ATP7A: variants seen among roughly 807,000 people sequenced by gnomAD.
ATP7A encodes the protein ATPase copper transporting alpha, also known as copper-transporting ATPase 1.
ATP7A carries 7 observed loss-of-function variants against 83.5 expected under a neutral mutation model. The ratio of observed to expected loss-of-function variants is 0.08; its 90% CI spans 0.05 to 0.16. The LOEUF is 0.16. ATP7A is among the 10% of genes least tolerant of loss of function. ATP7A has a pLI of 1.00. For missense variants in ATP7A, 940 were observed against 1,120.8 expected (o/e 0.84, Z 2.30); for synonymous variants, 354 against 395.2 (o/e 0.90, Z 1.24).
intron 6 of ATP7A, among the ~76,000 whole-genome samples, chrX:78,005,683 C>CAAAAAAAAAAAAAAAAAAAAA (rs1218646073): frequency 2.2e-4 from 3 of 13,696 alleles, no homozygotes; most frequent in African/African-American, 3.0e-4. Context: ...AACTCCATCT[C>CAAAAAAAAAAAAAAAAAAAAA]AAAAAAAAAA....
At chrX:78,019,172 T>A (rs1368736406) in intron 12 of ATP7A, among the ~76,000 whole-genome samples, 2 of 112,076 alleles carry the variant, frequency 1.8e-5, no homozygotes, top group Non-Finnish European at 3.8e-5. Context: ...TCCTGTAGAC[T>A]TGATGGACTT....
chrX:77,981,880 A>G (rs1353638439), intron 2 of ATP7A, among the ~76,000 whole-genome samples: 1 of 111,684 alleles, frequency 9.0e-6, no homozygotes, highest in Non-Finnish European at 1.9e-5. Flanking sequence ...TTATAATCTG[A>G]TATAATAGTT....
At position 77,989,237 on chromosome X, in the gene ATP7A, C is replaced by T; in HGVS notation, c.615C>T (p.Ser205=). 1 of 1,204,805 alleles carries T rather than the reference C, an allele frequency of 8.3e-7. No individual in the cohort carries two copies. The highest frequency in any genetic ancestry group is 1.1e-6 in the Non-Finnish European group (1 of 890,354). ...KLQGVQRIKV[S]LDNQEATIVY... ...ATATTTCTTTTTATTAACTAGTCTCCCTGGACAATCAAGAAGCTACTATTG... is the reference window on the plus strand; with the variant it reads ...ATATTTCTTTTTATTAACTAGTCTCTCTGGACAATCAAGAAGCTACTATTG... Residue 205 remains serine, a synonymous_variant, in exon 4 of 23, where the codon TCC becomes TCT. Transcript: ENST00000341514.
chrX:77,965,343 T>G (rs2077498175), intron 1 of ATP7A: 4 of 309,737 alleles, frequency 1.3e-5, no homozygotes, highest in South Asian at 1.1e-4. Flanking sequence ...ATAACCTTAT[T>G]AAAAATTGGG....
intron 15 of ATP7A, among the ~76,000 whole-genome samples, chrX:78,029,770 A>G (rs1557236818): frequency 8.9e-6 from 1 of 111,882 alleles, no homozygotes. Context: ...AAATTTGCCA[A>G]ACTCCAGCAG....
intron 6 of ATP7A, among the ~76,000 whole-genome samples, chrX:78,006,352 GA>G (rs1386454249): frequency 8.9e-6 from 1 of 111,996 alleles, no homozygotes; most frequent in Admixed American, 9.5e-5. Context: ...AAAATATGAG[GA>G]AAAACTAAAT....
At chrX:78,024,826 G>T (rs2077931666) in intron 14 of ATP7A, among the ~76,000 whole-genome samples, 1 of 111,384 alleles carries the variant, frequency 9.0e-6, no homozygotes, top group Non-Finnish European at 1.9e-5. Flanking sequence ...GCTGGCACAG[G>T]ATCAGGAGTG....
At chrX:77,941,075 TAC>T (rs1482917746) in intron 1 of ATP7A, among the ~76,000 whole-genome samples, 65 of 111,904 alleles carry the variant, frequency 5.8e-4, no homozygotes, top group African/African-American at 1.8e-3. Flanking sequence ...TATAAATTGA[TAC>T]AGTTTTTCTG....
intron 1 of ATP7A, among the ~76,000 whole-genome samples, chrX:77,920,325 C>T (rs533671216): frequency 4.0e-4 from 44 of 109,197 alleles, no homozygotes; most frequent in African/African-American, 1.4e-3. Context: ...ATGCCATTCT[C>T]CTGTCTCAGC....
chrX:78,002,312 A>T (rs1484724503), intron 5 of ATP7A, among the ~76,000 whole-genome samples: 10 of 101,762 alleles, frequency 9.8e-5, no homozygotes, highest in Non-Finnish European at 1.8e-4. Context: ...GAACTCCTGG[A>T]CTCAAGCGAT....
chrX:77,997,610 CT>C (rs782491662), intron 4 of ATP7A, among the ~76,000 whole-genome samples: 154 of 100,217 alleles, frequency 1.5e-3, no homozygotes, highest in African/African-American at 2.7e-3. Flanking sequence ...AAATCTTTGG[CT>C]TTTTTTTTTT....
chrX:77,911,816 C>T (rs1222636261), intron 1 of ATP7A, among the ~76,000 whole-genome samples: 2 of 111,312 alleles, frequency 1.8e-5, no homozygotes, highest in Non-Finnish European at 3.8e-5. Context: ...TGGTGGCGGG[C>T]GCCTGTAATC....
At chrX:77,988,809 G>A in intron 3 of ATP7A, 78 bp downstream of exon 3, 2 of 1,156,275 alleles carry the variant, frequency 1.7e-6, no homozygotes, top group East Asian at 3.0e-5. Context: ...TTCTTCTTAA[G>A]CATGAGTTTT....
intron 2 of ATP7A, among the ~76,000 whole-genome samples, chrX:77,986,016 A>G (rs1557231339): frequency 1.8e-5 from 2 of 112,140 alleles, no homozygotes; most frequent in Non-Finnish European, 3.8e-5. Flanking sequence ...CTACTCTTAT[A>G]TTGCATGTCT....
chrX:78,034,375 C>T (rs1328016340), intron 17 of ATP7A, among the ~76,000 whole-genome samples: 2 of 111,544 alleles, frequency 1.8e-5, no homozygotes, highest in Non-Finnish European at 3.8e-5. Context: ...ATAAACATTT[C>T]TTCCATCAAA....
intron 1 of ATP7A, among the ~76,000 whole-genome samples, chrX:77,931,290 A>C (rs1557224180): frequency 9.1e-6 from 1 of 110,359 alleles, no homozygotes; most frequent in Non-Finnish European, 1.9e-5. Flanking sequence ...TTCAACTCTG[A>C]GTGGACACAG....
intron 15 of ATP7A, among the ~76,000 whole-genome samples, chrX:78,030,030 T>C (rs1172112636): frequency 8.9e-6 from 1 of 112,421 alleles, no homozygotes; most frequent in Admixed American, 9.5e-5. Context: ...ATAGTAAACA[T>C]AGAACATATC....
rs781832055 is a variant in ATP7A at position 78,021,055 on chromosome X, T to C, written c.2892T>C (p.Phe964=). 46 of 1,206,073 alleles carry C rather than the reference T, an allele frequency of 3.8e-5. 1 individual carries two copies. In the South Asian group the frequency reaches 7.9e-4, roughly 21 times the overall value. ...LVWIVIGFLN[F]EIVETYFPGY... ...GGATTGTAATTGGATTTCTGAATTTTGAAATTGTGGAAACCTACTTTCCTG... is the reference window on the plus strand; with the variant it reads ...GGATTGTAATTGGATTTCTGAATTTCGAAATTGTGGAAACCTACTTTCCTG... The change falls in exon 14 of 23, where the codon TTT becomes TTC. Residue 964 remains phenylalanine (F), a synonymous_variant. Transcript: ENST00000341514.
At chrX:77,924,334 A>C (rs2149043674) in intron 1 of ATP7A, 1 of 112,388 alleles carries the variant, frequency 8.9e-6, no homozygotes, top group African/African-American at 3.2e-5. Flanking sequence ...TATACATTTG[A>C]ATTAGCACAC....
Sources: allele counts gnomAD v4.1 joint callset (sites outside exome capture counted in the v4.1 genomes callset), GRCh38; gene constraint gnomAD v4.1.1; transcripts MANE v1.5; gene names NCBI Gene and HGNC (gene_info 2026-07-23, HGNC 2026-07-21).